The following CCDC85A variants were observed in gnomAD, a reference collection of about 807,000 sequenced individuals.
The protein encoded by CCDC85A is coiled-coil domain containing 85A.
A neutral mutation model predicts 50.2 loss-of-function variants in CCDC85A; 38 were observed. The ratio of observed to expected loss-of-function variants is 0.76; its 90% CI spans 0.58 to 0.99. The LOEUF is 0.99. CCDC85A is among the 50% of genes least tolerant of loss of function. CCDC85A has a pLI of 0.00. For synonymous variants in CCDC85A, 366 were observed against 301.4 expected (o/e 1.21, Z -2.22); for missense variants, 820 against 742.0 (o/e 1.11, Z -1.22).
chr2:56,259,299 T>C (rs1317020271), intron 2 of CCDC85A, among the ~76,000 whole-genome samples: 1 of 152,174 alleles, frequency 6.6e-6, no homozygotes, highest in African/African-American at 2.4e-5. Context: ...GGCTGGCCTA[T>C]TGGAAGTAAG....
chr2:56,220,793 A>G (rs1216165171), intron 2 of CCDC85A, among the ~76,000 whole-genome samples: 1 of 152,008 alleles, frequency 6.6e-6, no homozygotes, highest in African/African-American at 2.4e-5. Flanking sequence ...GTTAATCTCC[A>G]TTGATATCCC....
At chr2:56,260,429 A>G (rs1385189334) in intron 2 of CCDC85A, among the ~76,000 whole-genome samples, 1 of 152,218 alleles carries the variant, frequency 6.6e-6, no homozygotes, top group African/African-American at 2.4e-5. Context: ...AATATAAGTC[A>G]TGCTTGAAAT....
chr2:56,305,853 A>G (rs2104207477), intron 2 of CCDC85A, among the ~76,000 whole-genome samples: 1 of 152,332 alleles, frequency 6.6e-6, no homozygotes, highest in Non-Finnish European at 1.5e-5. Context: ...TGCTGATTTA[A>G]TAATCAAGTT....
chr2:56,286,139 G>T (rs910550113), intron 2 of CCDC85A, among the ~76,000 whole-genome samples: 1 of 151,822 alleles, frequency 6.6e-6, no homozygotes, highest in Non-Finnish European at 1.5e-5. Flanking sequence ...CAGGCTGCTT[G>T]TATGATTTTT....
At chr2:56,246,035 C>T (rs180974831) in intron 2 of CCDC85A, among the ~76,000 whole-genome samples, 1,567 of 152,300 alleles carry the variant, frequency 0.01, 29 homozygotes, top group African/African-American at 0.036. Context: ...AGTGATTCTC[C>T]TGCCTCAGCC....
Position 56,192,591 on chromosome 2 carries a change from C to T in CCDC85A, c.391C>T (p.Arg131Cys), listed in dbSNP as rs541266691. ...RVSREWQRLG[R>C]YTAGVMHKEV... ...GTCTCGGGAGTGGCAGAGACTGGGT[C>T]GCTACACTGCCGGGGTGATGCACAA... The change falls in exon 2 of 6, where the codon CGC becomes TGC. Residue 131 changes from arginine to cysteine, a missense_variant. Transcript: ENST00000407595. This position sits in a 1 kb window ranked among gnomAD's most constrained non-coding sequence, Gnocchi z 4.7. The T allele has an allele frequency of 1.6e-5, 26 of 1,613,866 alleles. No individual in the cohort carries two copies. In the East Asian group the frequency reaches 2.7e-4, roughly 17 times the overall value.
chr2:56,373,096 A>T (rs1003592058), intron 4 of CCDC85A, among the ~76,000 whole-genome samples: 2 of 152,214 alleles, frequency 1.3e-5, no homozygotes, highest in African/African-American at 4.8e-5. Flanking sequence ...GTACTAAATG[A>T]GATATAGTAG....
At chr2:56,359,947 C>T (rs1362565012) in intron 3 of CCDC85A, among the ~76,000 whole-genome samples, 2 of 152,138 alleles carry the variant, frequency 1.3e-5, no homozygotes, top group African/African-American at 4.8e-5. Flanking sequence ...AAGGCTAGTT[C>T]ACATCTTCAG....
intron 2 of CCDC85A, among the ~76,000 whole-genome samples, chr2:56,285,839 G>A (rs183155352): frequency 2.0e-5 from 3 of 152,070 alleles, no homozygotes; most frequent in African/African-American, 7.2e-5. Flanking sequence ...TGCTTCCTAT[G>A]TGTGTTCGGC....
At chr2:56,347,220 T>G (rs893405897) in intron 3 of CCDC85A, among the ~76,000 whole-genome samples, 1 of 152,160 alleles carries the variant, frequency 6.6e-6, no homozygotes, top group Non-Finnish European at 1.5e-5. Context: ...ACCCCCCTTT[T>G]CAGTCAAGGT....
chr2:56,340,189 A>C (rs189252092), intron 2 of CCDC85A, among the ~76,000 whole-genome samples: 2 of 152,346 alleles, frequency 1.3e-5, no homozygotes, highest in East Asian at 3.9e-4. Flanking sequence ...ACTGATGCTT[A>C]TGTATTTTAG....
At chr2:56,275,135 G>A (rs1325262583) in intron 2 of CCDC85A, among the ~76,000 whole-genome samples, 1 of 152,060 alleles carries the variant, frequency 6.6e-6, no homozygotes, top group African/African-American at 2.4e-5. Context: ...GGGGTCGGGG[G>A]GGAATTATTC....
chr2:56,218,082 C>CA (rs1668161521), intron 2 of CCDC85A, among the ~76,000 whole-genome samples: 1 of 151,696 alleles, frequency 6.6e-6, no homozygotes, highest in Non-Finnish European at 1.5e-5. Flanking sequence ...GAAACCAAAA[C>CA]AAAAACAACA....
At chr2:56,191,901 A>G (rs1192076826) in intron 1 of CCDC85A, among the ~76,000 whole-genome samples, 1 of 152,164 alleles carries the variant, frequency 6.6e-6, no homozygotes, top group Non-Finnish European at 1.5e-5. Context: ...TACTCTGTTG[A>G]AAGGTCTGTT....
intron 2 of CCDC85A, among the ~76,000 whole-genome samples, chr2:56,206,980 A>G (rs898313032): frequency 2.0e-5 from 3 of 151,994 alleles, no homozygotes; most frequent in African/African-American, 7.2e-5. Context: ...TTTGGGGAAA[A>G]TAGGACCTAG....
intron 2 of CCDC85A, among the ~76,000 whole-genome samples, chr2:56,322,101 T>G (rs371953409): frequency 6.6e-6 from 1 of 152,300 alleles, no homozygotes; most frequent in African/African-American, 2.4e-5. Context: ...CGTAGAAAGC[T>G]GAAACTGGAT....
chr2:56,276,655 C>T (rs1670961124), intron 2 of CCDC85A, among the ~76,000 whole-genome samples: 1 of 152,134 alleles, frequency 6.6e-6, no homozygotes, highest in Admixed American at 6.6e-5. Context: ...AACTGTAAGT[C>T]CAATAAACCT....
chr2:56,251,939 A>G (rs1669777748), intron 2 of CCDC85A, among the ~76,000 whole-genome samples: 1 of 150,914 alleles, frequency 6.6e-6, no homozygotes, highest in African/African-American at 2.4e-5. Context: ...TTTAGGGTAC[A>G]TGTGCACAAC....
chr2:56,267,746 A>C (rs2104047919), intron 2 of CCDC85A, among the ~76,000 whole-genome samples: 1 of 152,314 alleles, frequency 6.6e-6, no homozygotes, highest in Non-Finnish European at 1.5e-5. Flanking sequence ...ATTCAGTGTA[A>C]TTCAAGGCTA....
Sources: allele counts gnomAD v4.1 joint callset (sites outside exome capture counted in the v4.1 genomes callset), GRCh38; gene constraint gnomAD v4.1.1; non-coding constraint Gnocchi (gnomAD v3.1); transcripts MANE v1.5; gene names NCBI Gene and HGNC (gene_info 2026-07-23, HGNC 2026-07-21).